TGDS: variants seen among roughly 807,000 people sequenced by gnomAD.
TGDS encodes TDP-glucose 4,6-dehydratase, also known as UDP-D-glucose 4,6-dehydratase.
TGDS carries 47 observed loss-of-function variants against 52.3 expected under a neutral mutation model. The ratio of observed to expected loss-of-function variants is 0.90; its 90% CI spans 0.71 to 1.15. The LOEUF is 1.15. Ranked by LOEUF, TGDS falls within the 50% of genes most tolerant of loss-of-function variation. The pLI, the probability that TGDS is intolerant of heterozygous loss-of-function variation, is 0.00. For missense variants in TGDS, 375 were observed against 418.4 expected, an observed-to-expected ratio of 0.90 and a Z score of 0.90; for synonymous variants, 115 against 136.9, an observed-to-expected ratio of 0.84 and a Z score of 1.12.
intron 11 of TGDS, 134 bp from the exon 12 acceptor site, chr13:94,574,986 T>C (rs563841379): frequency 3.5e-5 from 18 of 508,692 alleles, no homozygotes; most frequent in African/African-American, 2.5e-4. Context: ...GGCTGACTAA[T>C]GATGTAAACA....
At chr13:94,574,879 AAAAAAAAG>A in intron 11 of TGDS, 27 bp from the exon 12 acceptor site, 2 of 1,394,560 alleles carry the variant, frequency 1.4e-6, no homozygotes, top group Non-Finnish European at 2.0e-6. Flanking sequence ...AAAGACAAAA[AAAAAAAAG>A]AAAAGAAAGA....
rs147667979 is a variant in TGDS at position 94,574,099 on chromosome 13, T to C, written c.*683A>G. ...TTTTTCTACAGCAAAATAAAAACAT[T>C]ATTTTAAAAAGCAATATTCTACATT... On this transcript the variant is annotated 3_prime_UTR_variant, in exon 12 of 12. Coordinates refer to ENST00000261296, the MANE Select transcript of TGDS (RefSeq NM_014305.4). 6.6e-6 allele frequency: 1 copy of C among 152,266 alleles called. No homozygotes were observed. The highest frequency in any genetic ancestry group is 2.4e-5 in the African/African-American group (1 of 41,580). 9.4% of individuals were successfully genotyped at this position (152,266 alleles called of 1,614,324 possible).
intron 4 of TGDS, among the ~76,000 whole-genome samples, chr13:94,585,060 A>C (rs1888929194): frequency 6.6e-6 from 1 of 152,028 alleles, no homozygotes. Context: ...GTATAAGGAA[A>C]ACTTTTTTTT....
chr13:94,575,833 T>C (rs1888581409), intron 11 of TGDS, among the ~76,000 whole-genome samples: 2 of 152,168 alleles, frequency 1.3e-5, no homozygotes, highest in South Asian at 4.1e-4. Flanking sequence ...CTTATTTTAA[T>C]AGATTTTTCT....
chr13:94,593,741 T>C (rs1889282382), intron 2 of TGDS, 100 bp downstream of exon 2: 1 of 890,152 alleles, frequency 1.1e-6, no homozygotes, highest in South Asian at 1.5e-5. Context: ...AATGACTAAA[T>C]AAAAAATTTA....
intron 4 of TGDS, among the ~76,000 whole-genome samples, chr13:94,586,805 C>G (rs988033081): frequency 9.7e-5 from 13 of 134,248 alleles, no homozygotes; most frequent in African/African-American, 3.5e-4. Flanking sequence ...ATTGCCCGGG[C>G]TGGAGTGCAG....
At chr13:94,595,556 A>T (rs1270866276) in intron 1 of TGDS, among the ~76,000 whole-genome samples, 2 of 152,226 alleles carry the variant, frequency 1.3e-5, no homozygotes, top group Admixed American at 1.3e-4. Context: ...CCGTAAGGAT[A>T]TACTTTGGAA....
At position 94,592,770 on chromosome 13, in the gene TGDS, G is replaced by A. The variant is rs1889250268; in HGVS notation, c.154-461C>T. ...CTGTTTTTACACATTTTAAGTTTCT[G>A]ACATCTTAAAAGTAAAAAACAAGTA... is the stretch of plus-strand genomic sequence containing the variant. On this transcript the variant is annotated intron_variant, in intron 2 of 11. Coordinates refer to ENST00000261296, the MANE Select transcript of TGDS (RefSeq NM_014305.4). 2.0e-5 allele frequency among the ~76,000 whole-genome samples: 3 copies of A among 152,004 alleles called. 1 individual carries two copies. The highest frequency in any genetic ancestry group is 7.2e-5 in the African/African-American group (3 of 41,388).
chr13:94,596,236 C>A (rs528191718), upstream of TGDS: 3 of 1,316,638 alleles, frequency 2.3e-6, no homozygotes, highest in Admixed American at 2.2e-5. Flanking sequence ...TCGCGGGACA[C>A]GTTAACAGAG....
In TGDS at chr13:94,581,117, C is replaced by A. The variant is rs1382743725; in HGVS notation, c.529G>T (p.Val177Leu). ...ASSKAAAECF[V>L]QSYWEQYKFP... Reference sequence around the variant, plus strand: ...TTATATTGTTCCCAGTAAGACTGTACAAAACATTCAGCAGCTGCTTTAGAT... The same window carrying A: ...TTATATTGTTCCCAGTAAGACTGTAAAAAACATTCAGCAGCTGCTTTAGAT... Residue 177 changes from valine (V) to leucine (L), a missense_variant, in exon 6 of 12, where the codon GTA (valine) becomes TTA (leucine). By Grantham distance (32) the Val-to-Leu change is conservative. Coordinates refer to ENST00000261296, the MANE Select transcript of TGDS (RefSeq NM_014305.4). 6 of 1,592,132 alleles carry A rather than the reference C, an allele frequency of 3.8e-6. No homozygotes were observed. The highest frequency in any genetic ancestry group is 2.2e-5 in the East Asian group (1 of 44,466).
intron 4 of TGDS, among the ~76,000 whole-genome samples, chr13:94,584,008 T>C (rs1457017646): frequency 6.6e-6 from 1 of 152,216 alleles, no homozygotes. Flanking sequence ...CACTTCTTAC[T>C]TACCAGACTG....
At chr13:94,590,323 A>G (rs976398368) in intron 4 of TGDS, among the ~76,000 whole-genome samples, 2 of 151,488 alleles carry the variant, frequency 1.3e-5, no homozygotes, top group Middle Eastern at 3.2e-3. Context: ...AAAGGAAATT[A>G]TAACTTTAAA....
At position 94,574,455 on chromosome 13, in the gene TGDS, T is replaced by C. The variant is rs556080035; in HGVS notation, c.*327A>G. 1.4e-4 allele frequency: 28 copies of C among 204,540 alleles called. No individual in the cohort carries two copies. Among genetic ancestry groups the C allele is most frequent in the African/African-American group, 4.1e-4 (18 of 43,672 alleles). The allele number at this position is 204,540 out of a possible 1,614,324, so 12.7% of individuals were successfully genotyped here. ...GCACTGAGTTCAAAACCAGTGAAGG[T>C]TGCCTTCTCCCTAGCACCACTACCC... On this transcript the variant is annotated 3_prime_UTR_variant, in exon 12 of 12. Coordinates refer to ENST00000261296, the MANE Select transcript of TGDS (RefSeq NM_014305.4).
intron 4 of TGDS, among the ~76,000 whole-genome samples, chr13:94,587,299 A>C (rs1021471298): frequency 5.9e-5 from 9 of 152,238 alleles, no homozygotes; most frequent in Non-Finnish European, 1.2e-4. Flanking sequence ...TATAGAAAAC[A>C]AACACGCATA....
intron 4 of TGDS, among the ~76,000 whole-genome samples, chr13:94,587,992 C>T (rs1471302523): frequency 2.0e-5 from 2 of 100,834 alleles, no homozygotes; most frequent in Non-Finnish European, 4.0e-5. Context: ...GCAAGACACT[C>T]CATCTCAAAA....
At chr13:94,579,986 A>G (rs192727642) in intron 6 of TGDS, 33 bp from the exon 7 acceptor site, 1 of 1,386,290 alleles carries the variant, frequency 7.2e-7, no homozygotes, top group East Asian at 2.3e-5. Context: ...AGGCTTTTAA[A>G]AAGGTCTAAT....
rs769097301 is a variant in TGDS, at chr13:94,593,922, T to A, written c.87-15A>T. ...TATGTGATGCACTATGGAAAAAAAG[T>A]ATATCTTGTTAGTGAAAAACTTTAA... On this transcript the variant is annotated splice_polypyrimidine_tract_variant and intron_variant, in intron 1 of 11. Coordinates refer to ENST00000261296, the MANE Select transcript of TGDS (RefSeq NM_014305.4). 6.6e-7 allele frequency: 1 copy of A among 1,508,334 alleles called. No individual in the cohort carries two copies. The highest frequency in any genetic ancestry group is 1.2e-5 in the South Asian group (1 of 80,616). The allele number at this position is 1,508,334 out of a possible 1,614,324, so 93.4% of individuals were successfully genotyped here.
At chr13:94,586,578 C>G (rs917996960) in intron 4 of TGDS, among the ~76,000 whole-genome samples, 4 of 152,012 alleles carry the variant, frequency 2.6e-5, no homozygotes, top group African/African-American at 9.7e-5. Flanking sequence ...CGGAAAGTGA[C>G]CATATACTGA....
At chr13:94,583,716 GGAT>G (rs1351518021) in intron 4 of TGDS, among the ~76,000 whole-genome samples, 2 of 151,970 alleles carry the variant, frequency 1.3e-5, no homozygotes, top group Admixed American at 1.3e-4. Flanking sequence ...TAATGGAAGA[GGAT>G]GATAAATTTG....
Sources: allele counts gnomAD v4.1 joint callset (sites outside exome capture counted in the v4.1 genomes callset), GRCh38; gene constraint gnomAD v4.1.1; transcripts MANE v1.5; gene names NCBI Gene and HGNC (gene_info 2026-07-23, HGNC 2026-07-21).